Variants in NPAT observed in about 807,000 individuals in gnomAD.
The protein encoded by NPAT is nuclear protein, coactivator of histone transcription, also known as protein NPAT.
In NPAT, 52 loss-of-function variants were observed where a neutral mutation model predicts 130.7. The ratio of observed to expected loss-of-function variants is 0.40; its 90% CI spans 0.32 to 0.50. The LOEUF (loss-of-function observed/expected upper bound fraction) is 0.50, where lower values mean the gene tolerates loss of function less well. NPAT is among the 20% of genes least tolerant of loss of function. The pLI, the probability that NPAT is intolerant of heterozygous loss-of-function variation, is 0.68. For missense variants in NPAT, 1,687 were observed against 1,662.6 expected, an observed-to-expected ratio of 1.01 and a Z score of -0.26; for synonymous variants, 580 against 584.8, an observed-to-expected ratio of 0.99 and a Z score of 0.12.
chr11:108,176,965 TTC>T (rs1491075677), intron 11 of NPAT, 27 bp downstream of exon 11: 2 of 1,432,134 alleles, frequency 1.4e-6, no homozygotes, highest in Admixed American at 1.7e-5. Context: ...AGCCTTTTTT[TTC>T]TGTCTTGAAA....
At chr11:108,163,333 G>T (rs1027805522) in intron 15 of NPAT, among the ~76,000 whole-genome samples, 3 of 152,028 alleles carry the variant, frequency 2.0e-5, no homozygotes, top group Non-Finnish European at 4.4e-5. Context: ...TACCCTCCTC[G>T]GCTTCCCAAA....
In NPAT at chr11:108,173,219, T is replaced by C; in HGVS notation, c.1765A>G (p.Met589Val). Residue 589 changes from methionine (M) to valine (V), a missense_variant, in exon 13 of 18, where the codon ATG becomes GTG. Transcript: ENST00000278612. ...TCTTGGCAATTTGATAGCTGTGACATAACTGGTTCTAACACATTAATTTCT... is the reference window on the plus strand; with the variant it reads ...TCTTGGCAATTTGATAGCTGTGACACAACTGGTTCTAACACATTAATTTCT... ...KIEINVLEPV[M>V]SQLSNCQDNS... 1 of 1,613,428 alleles carries C rather than the reference T, an allele frequency of 6.2e-7. No homozygotes were observed. The highest frequency in any genetic ancestry group is 8.5e-7 in the Non-Finnish European group (1 of 1,179,638).
chr11:108,200,103 T>C (rs2078260905), intron 1 of NPAT, among the ~76,000 whole-genome samples: 1 of 152,188 alleles, frequency 6.6e-6, no homozygotes, highest in South Asian at 2.1e-4. Context: ...CCATTTGCAT[T>C]GGGCAAGAGG....
intron 10 of NPAT, among the ~76,000 whole-genome samples, chr11:108,177,309 T>C (rs988634680): frequency 6.6e-6 from 1 of 152,064 alleles, no homozygotes; most frequent in African/African-American, 2.4e-5. Flanking sequence ...TGCACCACTA[T>C]GCCCAGCTTA....
chr11:108,160,606 G>A (rs939965968), intron 17 of NPAT, among the ~76,000 whole-genome samples: 23 of 152,106 alleles, frequency 1.5e-4, no homozygotes, highest in African/African-American at 5.6e-4. Context: ...AAATGCCTCA[G>A]CAGTTTTTCC....
At chr11:108,207,791 G>A (rs2078343304) in intron 1 of NPAT, among the ~76,000 whole-genome samples, 1 of 152,140 alleles carries the variant, frequency 6.6e-6, no homozygotes, top group Admixed American at 6.5e-5. Flanking sequence ...GGAGGGCAGG[G>A]CTCCTGCCCA....
chr11:108,171,720 C>G (rs2077953350), intron 13 of NPAT: 1 of 157,674 alleles, frequency 6.3e-6, no homozygotes, highest in South Asian at 1.8e-4. Context: ...CTCCTGACCT[C>G]AGGTGATCGA....
Position 108,173,860 on chromosome 11 carries a change from TA to T in NPAT, c.1133-10del. Reference sequence around the variant, plus strand: ...CTGACCAGACTGACCATCTGCAAAGTATCAGGCAGGTAGACAGATATGGTAA... The same window carrying T: ...CTGACCAGACTGACCATCTGCAAAGTTCAGGCAGGTAGACAGATATGGTAA... On this transcript the variant is annotated splice_polypyrimidine_tract_variant and intron_variant, in intron 12 of 17. Transcript: ENST00000278612. 6.2e-7 allele frequency: 1 copy of T among 1,612,220 alleles called. No individual in the cohort carries two copies.
chr11:108,210,676 A>G (rs2078375775), intron 1 of NPAT, among the ~76,000 whole-genome samples: 1 of 152,234 alleles, frequency 6.6e-6, no homozygotes, highest in Non-Finnish European at 1.5e-5. Context: ...GAAGAAACAG[A>G]AAATCTGAAC....
intron 1 of NPAT, among the ~76,000 whole-genome samples, chr11:108,199,655 T>C (rs1049761218): frequency 6.6e-6 from 1 of 152,116 alleles, no homozygotes; most frequent in Non-Finnish European, 1.5e-5. Flanking sequence ...CTGGGGAAGA[T>C]TTTGTCAAGC....
intron 1 of NPAT, among the ~76,000 whole-genome samples, chr11:108,220,077 C>T (rs1345421701): frequency 6.6e-6 from 1 of 152,166 alleles, no homozygotes; most frequent in Non-Finnish European, 1.5e-5. Context: ...AAGTTGAGAT[C>T]AAGTTGGAGA....
chr11:108,165,104 A>G (rs1259814299), intron 15 of NPAT, among the ~76,000 whole-genome samples: 1 of 152,138 alleles, frequency 6.6e-6, no homozygotes, highest in South Asian at 2.1e-4. Context: ...TTTGTCATTC[A>G]CAATGATGAA....
rs1159553956 is a variant in NPAT at position 108,173,528 on chromosome 11, C to T, written c.1456G>A (p.Glu486Lys). The change falls in exon 13 of 18, where the codon GAA becomes AAA. Residue 486 changes from glutamate to lysine, a missense_variant. Around this residue, in one of 3 missense-constraint regions of NPAT, gnomAD observed 1,379 missense variants for 1,346.6 expected, o/e 1.02. Coordinates refer to ENST00000278612, the MANE Select transcript of NPAT (RefSeq NM_002519.3). The stretch of plus-strand genomic sequence containing the variant: ...ACATTTGAAGACAAAGAGTTCTTTT[C>T]AATCCCTATAGCCATTTCAGTTTCA... ...STETEMAIGI[E>K]KNSLSSNVPS... 1 of 1,614,064 alleles carries T rather than the reference C, an allele frequency of 6.2e-7. No individual in the cohort carries two copies. The highest frequency in any genetic ancestry group is 8.5e-7 in the Non-Finnish European group (1 of 1,180,026).
chr11:108,216,364 A>C (rs562151348), intron 1 of NPAT, among the ~76,000 whole-genome samples: 1 of 152,314 alleles, frequency 6.6e-6, no homozygotes, highest in African/African-American at 2.4e-5. Flanking sequence ...TACTGCCCTA[A>C]GAGGCTGAAA....
rs745435232 is a variant in NPAT at position 108,172,755 on chromosome 11, G to A, written c.2229C>T (p.Ile743=). The A allele has an allele frequency of 1.9e-6, 3 of 1,613,390 alleles. No individual in the cohort carries two copies. The highest frequency in any genetic ancestry group is 2.2e-5 in the East Asian group (1 of 44,870). The stretch of plus-strand genomic sequence containing the variant: ...AGGAAACAAATGGATCATCACTAAT[G>A]ATAACTTTGAGAGAGACGATATTTG... ...DASNIVSLKV[I]ISDDPFVSSD... is the part of the protein sequence containing the mutation. The change falls in exon 13 of 18, where the codon ATC becomes ATT. Residue 743 remains isoleucine (I), a synonymous_variant. Transcript: ENST00000278612.
At chr11:108,175,004 T>C (rs924334567) in intron 12 of NPAT, among the ~76,000 whole-genome samples, 4 of 152,242 alleles carry the variant, frequency 2.6e-5, no homozygotes, top group Non-Finnish European at 4.4e-5. Context: ...AAAAATATTT[T>C]TTAAAAACCA....
intron 10 of NPAT, among the ~76,000 whole-genome samples, chr11:108,184,928 T>A (rs181746775): frequency 7.1e-4 from 108 of 152,348 alleles, no homozygotes; most frequent in Middle Eastern, 3.4e-3. Context: ...AAACACTGTA[T>A]TACTGTTTAT....
At chr11:108,200,751 T>C (rs2078268719) in intron 1 of NPAT, among the ~76,000 whole-genome samples, 1 of 152,200 alleles carries the variant, frequency 6.6e-6, no homozygotes, top group Non-Finnish European at 1.5e-5. Context: ...GGAAGGAGAC[T>C]GGTCCAAGAC....
intron 10 of NPAT, among the ~76,000 whole-genome samples, chr11:108,183,457 A>G (rs1014729785): frequency 1.3e-5 from 2 of 152,218 alleles, no homozygotes; most frequent in Admixed American, 1.3e-4. Flanking sequence ...CTATTGTCCA[A>G]TGGTCCAAGT....
Sources: gnomAD v4.1 joint callset for allele counts (sites outside exome capture counted in the v4.1 genomes callset) on GRCh38, gnomAD v4.1.1 for gene constraint, gnomAD v4.1.1 regional missense constraint, MANE v1.5 for transcripts, NCBI Gene and HGNC (gene_info 2026-07-23, HGNC 2026-07-21) for gene names.